The following LGR6 variants were observed in gnomAD, a reference collection of about 807,000 sequenced individuals.
LGR6 encodes the protein leucine-rich repeat-containing G protein-coupled receptor 6.
In LGR6, 45 loss-of-function variants were observed where a neutral mutation model predicts 69.4. The observed-to-expected ratio is 0.65, with a 90% CI of 0.51 to 0.83. The LOEUF is 0.83. Ranked by LOEUF, LGR6 falls within the 40% of genes least tolerant of loss-of-function variation. LGR6 has a pLI of 0.00. For missense variants in LGR6, 1,108 were observed against 1,246.7 expected (o/e 0.89, Z 1.68); for synonymous variants, 538 against 555.0 (o/e 0.97, Z 0.43).
intron 4 of LGR6, among the ~76,000 whole-genome samples, chr1:202,239,540 GT>G (rs1397977580): frequency 6.6e-6 from 1 of 152,138 alleles, no homozygotes; most frequent in Non-Finnish European, 1.5e-5. Flanking sequence ...GGAAAGCAAG[GT>G]GATAGGGTTT....
chr1:202,248,967 C>T (rs912330597), intron 4 of LGR6, among the ~76,000 whole-genome samples: 2 of 152,158 alleles, frequency 1.3e-5, no homozygotes, highest in African/African-American at 4.8e-5. Context: ...GGAGAGAAGG[C>T]AGGAGTTGGA....
intron 5 of LGR6, 126 bp downstream of exon 5, chr1:202,276,647 C>T (rs903910195): frequency 1.3e-6 from 1 of 754,430 alleles, no homozygotes. Context: ...AACCTTCTGG[C>T]CTCCCTTTGG....
chr1:202,291,554 T>C (rs1221838233), intron 6 of LGR6, among the ~76,000 whole-genome samples: 1 of 152,250 alleles, frequency 6.6e-6, no homozygotes. Flanking sequence ...CTTGTGCCTG[T>C]GCTGTGGGAG....
At chr1:202,270,299 A>G (rs1375088914) in intron 4 of LGR6, among the ~76,000 whole-genome samples, 2 of 151,866 alleles carry the variant, frequency 1.3e-5, no homozygotes, top group Admixed American at 6.6e-5. Context: ...CTGGAGTGCA[A>G]TGGCGCGATC....
intron 7 of LGR6, among the ~76,000 whole-genome samples, chr1:202,297,910 A>G (rs1380736085): frequency 6.6e-6 from 1 of 152,222 alleles, no homozygotes; most frequent in Admixed American, 6.5e-5. Flanking sequence ...GTGTCCAGAG[A>G]AGAATGAGGA....
chr1:202,196,582 A>G (rs1189824148), intron 1 of LGR6, among the ~76,000 whole-genome samples: 2 of 152,172 alleles, frequency 1.3e-5, no homozygotes, highest in Admixed American at 1.3e-4. Flanking sequence ...GAACACCTCT[A>G]AGCCTCAGGT....
chr1:202,205,172 T>C, intron 1 of LGR6, among the ~76,000 whole-genome samples: 1 of 1,842 alleles, frequency 5.4e-4, no homozygotes, highest in Non-Finnish European at 2.6e-3. Context: ...AACACACACT[T>C]CCTTCAAACA....
chr1:202,278,091 A>G (rs1444561662), intron 5 of LGR6, among the ~76,000 whole-genome samples: 1 of 152,086 alleles, frequency 6.6e-6, no homozygotes, highest in Non-Finnish European at 1.5e-5. Flanking sequence ...CTCGTGTGGG[A>G]GGGAAGCTTG....
At position 202,281,250 on chromosome 1, in the gene LGR6, A is replaced by G. The variant is rs189591603; in HGVS notation, c.716+398A>G. Among the ~76,000 whole-genome samples, 150 of 152,280 alleles carry G rather than the reference A, an allele frequency of 9.9e-4. No homozygotes were observed. The Middle Eastern group carries it at 0.024, about 24-fold the overall frequency. Reference sequence around the variant, plus strand: ...GGGCTGACTTGATGGCAGTTTTGACATCTGTGTAAGGGTGGCTGCTGACAG... The same window carrying G: ...GGGCTGACTTGATGGCAGTTTTGACGTCTGTGTAAGGGTGGCTGCTGACAG... On this transcript the variant is annotated intron_variant, in intron 6 of 17. Transcript: ENST00000367278.
At chr1:202,293,008 G>A (rs895757742) in intron 6 of LGR6, among the ~76,000 whole-genome samples, 26 of 152,108 alleles carry the variant, frequency 1.7e-4, no homozygotes, top group Admixed American at 1.0e-3. Flanking sequence ...TCTGTGCCTC[G>A]CTTTCCTCAA....
Position 202,232,386 on chromosome 1 carries a change from A to G in LGR6, c.357-3536A>G, listed in dbSNP as rs150081548. Among the ~76,000 whole-genome samples the G allele has an allele frequency of 7.1e-3, 1,088 of 152,270 alleles. 18 individuals are homozygous for G. Among genetic ancestry groups the G allele is most frequent in the African/African-American group, 0.024 (1,012 of 41,544 alleles). On this transcript the variant is annotated intron_variant, in intron 3 of 17. Transcript: ENST00000367278. ...ATGTGTGAGGGGAGGAGTGTTGAGG[A>G]CTAGACTTCTACTGGACCAACGGCT... is the stretch of plus-strand genomic sequence containing the variant.
chr1:202,264,554 C>G (rs2148117810), intron 4 of LGR6, among the ~76,000 whole-genome samples: 1 of 152,280 alleles, frequency 6.6e-6, no homozygotes, highest in Non-Finnish European at 1.5e-5. Context: ...AGAAACCAGC[C>G]TGATGTCTGC....
chr1:202,283,936 C>T (rs1449831253), intron 6 of LGR6, among the ~76,000 whole-genome samples: 1 of 152,270 alleles, frequency 6.6e-6, no homozygotes, highest in Non-Finnish European at 1.5e-5. Flanking sequence ...GAAGTAACTT[C>T]ACCTCTGTGA....
At chr1:202,207,204 A>G (rs950660371) in intron 1 of LGR6, among the ~76,000 whole-genome samples, 17 of 152,300 alleles carry the variant, frequency 1.1e-4, no homozygotes, top group Admixed American at 2.0e-4. Flanking sequence ...GGTGTGAGCC[A>G]CTGTGCCCGG....
At chr1:202,200,719 T>G (rs965201857) in intron 1 of LGR6, among the ~76,000 whole-genome samples, 1 of 152,104 alleles carries the variant, frequency 6.6e-6, no homozygotes, top group Non-Finnish European at 1.5e-5. Flanking sequence ...CTAATGACAA[T>G]TCAGGTCTCT....
chr1:202,228,355 C>T (rs1354541227), intron 3 of LGR6, among the ~76,000 whole-genome samples: 2 of 152,156 alleles, frequency 1.3e-5, no homozygotes, highest in African/African-American at 4.8e-5. Context: ...GCCCAAGAGA[C>T]GGATAAGACT....
chr1:202,217,427 G>A (rs1173181776), intron 1 of LGR6, among the ~76,000 whole-genome samples: 1 of 151,916 alleles, frequency 6.6e-6, no homozygotes, highest in East Asian at 1.9e-4. Context: ...TGACTTCCAT[G>A]GTCTTTTAAC....
intron 1 of LGR6, chr1:202,197,049 A>G (rs753852978): frequency 1.1e-5 from 6 of 533,258 alleles, no homozygotes; most frequent in Non-Finnish European, 2.3e-5. Context: ...GAAGACTCGA[A>G]GATCCTTAGA....
chr1:202,304,784 G>A (rs1453962831), intron 11 of LGR6, among the ~76,000 whole-genome samples, 154 bp downstream of exon 11: 1 of 152,156 alleles, frequency 6.6e-6, no homozygotes, highest in Non-Finnish European at 1.5e-5. Flanking sequence ...CAGAAGGACC[G>A]GGTTTGAGGC....
Sources: gnomAD v4.1 joint callset for allele counts (sites outside exome capture counted in the v4.1 genomes callset) on GRCh38, gnomAD v4.1.1 for gene constraint, MANE v1.5 for transcripts, NCBI Gene and HGNC (gene_info 2026-07-23, HGNC 2026-07-21) for gene names.